The following RIMS2 variants were observed in gnomAD, a reference collection of about 807,000 sequenced individuals.
RIMS2 encodes the protein regulating synaptic membrane exocytosis protein 2.
In RIMS2, 59 loss-of-function variants were observed where a neutral mutation model predicts 174.4. That is an observed-to-expected ratio of 0.34 (90% CI 0.27 to 0.42). RIMS2 has a LOEUF of 0.42. RIMS2 is among the 10% of genes least tolerant of loss of function. RIMS2 has a pLI of 1.00. For missense variants in RIMS2, 1,620 were observed against 1,666.3 expected, an observed-to-expected ratio of 0.97 and a Z score of 0.48; for synonymous variants, 606 against 572.5, an observed-to-expected ratio of 1.06 and a Z score of -0.84.
chr8:103,853,071 G>A (rs1269926655), intron 3 of RIMS2, among the ~76,000 whole-genome samples: 1 of 151,724 alleles, frequency 6.6e-6, no homozygotes, highest in Admixed American at 6.6e-5. Context: ...AAAAAATCTG[G>A]GGTTTTTTTT....
chr8:103,865,756 A>T (rs1404933837), intron 3 of RIMS2, among the ~76,000 whole-genome samples: 1 of 152,168 alleles, frequency 6.6e-6, no homozygotes, highest in Non-Finnish European at 1.5e-5. Flanking sequence ...GAAATAGAAG[A>T]TTACTGCCTT....
At chr8:103,679,888 G>T (rs1482861322) in intron 1 of RIMS2, among the ~76,000 whole-genome samples, 1 of 151,978 alleles carries the variant, frequency 6.6e-6, no homozygotes, top group Non-Finnish European at 1.5e-5. Flanking sequence ...CCAAAATCCT[G>T]CCTGCTATCT....
chr8:103,603,450 A>G (rs954655835), intron 1 of RIMS2, among the ~76,000 whole-genome samples: 7 of 149,966 alleles, frequency 4.7e-5, no homozygotes, highest in African/African-American at 1.7e-4. Flanking sequence ...TAATGCCACA[A>G]TAAACATACG....
intron 3 of RIMS2, among the ~76,000 whole-genome samples, chr8:103,787,919 AGATT>A (rs2098459192): frequency 6.6e-6 from 1 of 152,114 alleles, no homozygotes; most frequent in Non-Finnish European, 1.5e-5. Flanking sequence ...AATCAGACGT[AGATT>A]TGGTCTTTTC....
chr8:103,663,929 A>T (rs900091269), intron 1 of RIMS2, among the ~76,000 whole-genome samples: 1 of 152,240 alleles, frequency 6.6e-6, no homozygotes, highest in Non-Finnish European at 1.5e-5. Context: ...CTGGTACCAA[A>T]ACAGTTATGT....
intron 19 of RIMS2, among the ~76,000 whole-genome samples, chr8:104,196,147 G>A (rs972770578): frequency 6.6e-6 from 1 of 152,054 alleles, no homozygotes; most frequent in Admixed American, 6.5e-5. Flanking sequence ...ACCAAGAGCA[G>A]ACCAATACTC....
At chr8:103,705,119 C>T (rs2097209578) in intron 2 of RIMS2, among the ~76,000 whole-genome samples, 1 of 151,932 alleles carries the variant, frequency 6.6e-6, no homozygotes, top group Non-Finnish European at 1.5e-5. Context: ...TTTACTGGAT[C>T]CCACTGATTT....
intron 1 of RIMS2, among the ~76,000 whole-genome samples, chr8:103,673,374 A>G (rs2096769283): frequency 6.6e-6 from 1 of 152,194 alleles, no homozygotes; most frequent in Non-Finnish European, 1.5e-5. Flanking sequence ...CTCTCCTAGT[A>G]GAGATTCTCT....
intron 1 of RIMS2, among the ~76,000 whole-genome samples, chr8:103,541,226 A>T (rs999078559): frequency 6.6e-6 from 1 of 152,224 alleles, no homozygotes; most frequent in Non-Finnish European, 1.5e-5. Context: ...CGCAGAGAGG[A>T]TCCTGAAAGC....
At chr8:104,226,229 G>A (rs945302044) in intron 19 of RIMS2, among the ~76,000 whole-genome samples, 4 of 152,148 alleles carry the variant, frequency 2.6e-5, no homozygotes, top group African/African-American at 9.7e-5. Context: ...GATTTAACCA[G>A]TGTGATTTGA....
At chr8:103,613,277 C>G (rs994697478) in intron 1 of RIMS2, among the ~76,000 whole-genome samples, 4 of 152,206 alleles carry the variant, frequency 2.6e-5, no homozygotes, top group African/African-American at 9.6e-5. Flanking sequence ...TTTTCACTCT[C>G]CCATCTCCCT....
At chr8:104,139,145 A>G (rs2098545946) in intron 19 of RIMS2, among the ~76,000 whole-genome samples, 1 of 152,052 alleles carries the variant, frequency 6.6e-6, no homozygotes, top group South Asian at 2.1e-4. Flanking sequence ...TTATTCCAGG[A>G]TCATGCTGTT....
chr8:103,755,527 C>A (rs2097981612), intron 2 of RIMS2, among the ~76,000 whole-genome samples: 2 of 152,206 alleles, frequency 1.3e-5, no homozygotes, highest in South Asian at 4.1e-4. Flanking sequence ...AGAGTGTTTT[C>A]CAGCTTGGTT....
chr8:104,075,298 G>A (rs554630379), intron 19 of RIMS2, among the ~76,000 whole-genome samples: 4 of 152,292 alleles, frequency 2.6e-5, no homozygotes, highest in East Asian at 1.9e-4. Flanking sequence ...TCTTGTGAAC[G>A]CAGTCTCAGG....
At chr8:104,155,073 G>T (rs7010248) in intron 19 of RIMS2, among the ~76,000 whole-genome samples, 113 of 151,992 alleles carry the variant, frequency 7.4e-4, no homozygotes, top group African/African-American at 2.5e-3. Context: ...ATGCCTTTCT[G>T]GGGGTGTTAG....
chr8:103,711,211 C>T (rs537563983), intron 2 of RIMS2, among the ~76,000 whole-genome samples: 1 of 152,296 alleles, frequency 6.6e-6, no homozygotes, highest in Middle Eastern at 3.4e-3. Context: ...TTATGTAGTA[C>T]ATTGGCTCAG....
At chr8:104,078,965 A>C (rs1405459420) in intron 19 of RIMS2, among the ~76,000 whole-genome samples, 5 of 152,186 alleles carry the variant, frequency 3.3e-5, no homozygotes, top group African/African-American at 1.2e-4. Flanking sequence ...ATATTCAAGC[A>C]TGGGTCCCTT....
At chr8:103,502,880 T>C (rs778532119) in intron 1 of RIMS2, among the ~76,000 whole-genome samples, 3 of 152,038 alleles carry the variant, frequency 2.0e-5, no homozygotes, top group Non-Finnish European at 2.9e-5. Context: ...GTTGTTTTAA[T>C]ATAGAAATTT....
intron 3 of RIMS2, among the ~76,000 whole-genome samples, chr8:103,876,918 A>ACC (rs200007987): frequency 8.0e-6 from 1 of 124,996 alleles, no homozygotes; most frequent in Non-Finnish European, 1.7e-5. Flanking sequence ...ATACACACAC[A>ACC]CCCCCATATA....
Sources: gnomAD v4.1 joint callset for allele counts (sites outside exome capture counted in the v4.1 genomes callset) on GRCh38, gnomAD v4.1.1 for gene constraint, MANE v1.5 for transcripts, NCBI Gene and HGNC (gene_info 2026-07-23, HGNC 2026-07-21) for gene names.